Variants in CFAP299 observed in about 807,000 individuals in gnomAD.
The protein encoded by CFAP299 is cilia and flagella associated protein 299.
A neutral mutation model predicts 27.0 loss-of-function variants in CFAP299; 21 were observed. That is an observed-to-expected ratio of 0.78 (90% CI 0.55 to 1.12). The LOEUF is 1.12. CFAP299 is among the 50% of genes most tolerant of loss of function. The pLI is 0.00. For missense variants in CFAP299, 310 were observed against 276.6 expected, an observed-to-expected ratio of 1.12 and a Z score of -0.86; for synonymous variants, 104 against 98.1, an observed-to-expected ratio of 1.06 and a Z score of -0.36.
chr4:80,904,881 C>T (rs544327344), intron 4 of CFAP299, among the ~76,000 whole-genome samples: 1 of 152,210 alleles, frequency 6.6e-6, no homozygotes, highest in East Asian at 1.9e-4. Flanking sequence ...AAACATGTGT[C>T]CTAAGTCTTT....
At chr4:80,544,279 A>C (rs1191465293) in intron 2 of CFAP299, among the ~76,000 whole-genome samples, 1 of 152,242 alleles carries the variant, frequency 6.6e-6, no homozygotes, top group Non-Finnish European at 1.5e-5. Context: ...CATTGGTACC[A>C]TAAAGCAACT....
chr4:80,846,086 A>T (rs1236295988), intron 3 of CFAP299, among the ~76,000 whole-genome samples: 1 of 152,148 alleles, frequency 6.6e-6, no homozygotes, highest in Non-Finnish European at 1.5e-5. Context: ...AAATGATAGC[A>T]TCCTTAATCA....
chr4:80,558,366 G>GT (rs1027029926), intron 2 of CFAP299, among the ~76,000 whole-genome samples: 13 of 129,810 alleles, frequency 1.0e-4, no homozygotes, highest in African/African-American at 4.1e-4. Flanking sequence ...TTGTTTGTTT[G>GT]TTTTTTTTTT....
At chr4:80,926,304 G>A (rs76509085) in intron 4 of CFAP299, among the ~76,000 whole-genome samples, 6,667 of 152,020 alleles carry the variant, frequency 0.044, 438 homozygotes, top group African/African-American at 0.14. Flanking sequence ...TGTCAGGAAA[G>A]CCATCGATGT....
At chr4:80,529,526 C>T (rs916598483) in intron 2 of CFAP299, among the ~76,000 whole-genome samples, 2 of 152,114 alleles carry the variant, frequency 1.3e-5, no homozygotes, top group Non-Finnish European at 1.5e-5. Flanking sequence ...AGTTAGTTGG[C>T]TTTTTAGGTC....
intron 3 of CFAP299, among the ~76,000 whole-genome samples, chr4:80,856,885 G>C (rs919084058): frequency 2.6e-5 from 4 of 151,884 alleles, no homozygotes; most frequent in Non-Finnish European, 2.9e-5. Flanking sequence ...TTGGTGATGA[G>C]GGCTCTTTTT....
chr4:80,784,322 C>T (rs754326261), intron 3 of CFAP299, among the ~76,000 whole-genome samples: 9 of 152,058 alleles, frequency 5.9e-5, no homozygotes, highest in Non-Finnish European at 1.0e-4. Context: ...TAACAGTGTA[C>T]GAAGGTTCCT....
chr4:80,623,457 A>G (rs1477909194), intron 3 of CFAP299, among the ~76,000 whole-genome samples: 1 of 152,154 alleles, frequency 6.6e-6, no homozygotes, highest in Non-Finnish European at 1.5e-5. Flanking sequence ...GCAAAGTAGA[A>G]CTCTTTGGCA....
chr4:80,600,599 T>C (rs1282995146), intron 3 of CFAP299, among the ~76,000 whole-genome samples: 1 of 152,170 alleles, frequency 6.6e-6, no homozygotes, highest in Non-Finnish European at 1.5e-5. Context: ...AAATTAAGAA[T>C]GTTTCATCAG....
intron 2 of CFAP299, among the ~76,000 whole-genome samples, chr4:80,397,963 T>C (rs1725907297): frequency 6.6e-6 from 1 of 152,186 alleles, no homozygotes; most frequent in Non-Finnish European, 1.5e-5. Context: ...AAAATCTCCT[T>C]AAGCTCATAA....
intron 2 of CFAP299, among the ~76,000 whole-genome samples, chr4:80,527,328 C>T (rs1733244610): frequency 6.6e-6 from 1 of 151,922 alleles, no homozygotes; most frequent in Non-Finnish European, 1.5e-5. Context: ...GTTATGAAGG[C>T]ACAGGAGAAC....
intron 5 of CFAP299, 134 bp from the exon 6 acceptor site, chr4:80,963,383 A>G: frequency 1.6e-6 from 1 of 621,338 alleles, no homozygotes. Context: ...GGGGGAAAAC[A>G]TGTATATATC....
At chr4:80,543,590 C>T (rs747986364) in intron 2 of CFAP299, among the ~76,000 whole-genome samples, 2 of 152,082 alleles carry the variant, frequency 1.3e-5, no homozygotes, top group African/African-American at 2.4e-5. Flanking sequence ...TAGACCAAAC[C>T]GACGAAAGAA....
Position 80,809,499 on chromosome 4 carries a change from C to T in CFAP299, c.334-60494C>T, listed in dbSNP as rs145836626. 3.2e-4 allele frequency among the ~76,000 whole-genome samples: 48 copies of T among 152,232 alleles called. No individual in the cohort carries two copies. In the East Asian group the frequency reaches 8.7e-3, roughly 28 times the overall value. ...AGAGAGGGAGAGAAAGGTGTCTACA[C>T]AGCCAGGATTAATCCCTCTAGCACA... On this transcript the variant is annotated intron_variant, in intron 3 of 5. Transcript: ENST00000358105.
Position 80,572,642 on chromosome 4 carries a change from C to T in CFAP299, c.243-10451C>T, listed in dbSNP as rs573749623. Among the ~76,000 whole-genome samples, 17 of 150,216 alleles carry T rather than the reference C, an allele frequency of 1.1e-4. No homozygotes were observed. The South Asian group carries it at 1.9e-3, about 17-fold the overall frequency. On this transcript the variant is annotated intron_variant, in intron 2 of 5. Coordinates refer to ENST00000358105, the MANE Select transcript of CFAP299 (RefSeq NM_152770.3). The stretch of plus-strand genomic sequence containing the variant: ...AAGTGATTATCCTGCTTCAGCCTCC[C>T]GAGTAGCTGGGATTACAGACATGCG...
In CFAP299 at chr4:80,870,057, C is replaced by T. The variant is rs756893506; in HGVS notation, c.398C>T (p.Ala133Val). The change falls in exon 4 of 6, where the codon GCC (alanine) becomes GTC (valine). Residue 133 changes from alanine (A) to valine (V), a missense_variant. Physicochemically the swap from Ala to Val is moderately conservative, Grantham distance 64. Coordinates refer to ENST00000358105, the MANE Select transcript of CFAP299 (RefSeq NM_152770.3). ...GAGATATCAGGATACATCGACTATGCCCACAGGCTAAAGACGGAAGATTTT... is the reference window on the plus strand; with the variant it reads ...GAGATATCAGGATACATCGACTATGTCCACAGGCTAAAGACGGAAGATTTT... ...GQEISGYIDY[A>V]HRLKTEDFEV... 6.2e-7 allele frequency: 1 copy of T among 1,613,632 alleles called. No individual in the cohort carries two copies. The highest frequency in any genetic ancestry group is 8.5e-7 in the Non-Finnish European group (1 of 1,179,664).
chr4:80,530,396 A>G (rs1301605459), intron 2 of CFAP299, among the ~76,000 whole-genome samples: 1 of 152,188 alleles, frequency 6.6e-6, no homozygotes, highest in Non-Finnish European at 1.5e-5. Flanking sequence ...TGCTATAATG[A>G]TATTTTCTGG....
chr4:80,322,078 G>C, the CFAP299 span, among the ~76,000 whole-genome samples: 14 of 152,312 alleles, frequency 9.2e-5, 1 homozygote, highest in African/African-American at 3.4e-4. Flanking sequence ...GTCATTGTGG[G>C]CTGGGGCAAT....
chr4:80,594,898 T>A (rs749369017), intron 3 of CFAP299, among the ~76,000 whole-genome samples: 4 of 152,180 alleles, frequency 2.6e-5, no homozygotes. Flanking sequence ...TAGTTAGTAA[T>A]CACTGATAGG....
Sources: allele counts gnomAD v4.1 joint callset (sites outside exome capture counted in the v4.1 genomes callset), GRCh38; gene constraint gnomAD v4.1.1; transcripts MANE v1.5; gene names NCBI Gene and HGNC (gene_info 2026-07-23, HGNC 2026-07-21).